Variants in CMIP observed in about 807,000 individuals in gnomAD.
The protein encoded by CMIP is c-Maf inducing protein, also known as C-Maf-inducing protein.
A neutral mutation model predicts 97.3 loss-of-function variants in CMIP; 13 were observed. The observed-to-expected ratio is 0.13, with a 90% CI of 0.09 to 0.21. CMIP has a LOEUF of 0.21. Ranked by LOEUF, CMIP falls within the 10% of genes least tolerant of loss-of-function variation. The pLI, the probability that CMIP is intolerant of heterozygous loss-of-function variation, is 1.00. For missense variants in CMIP, 847 were observed against 1,024.9 expected, an observed-to-expected ratio of 0.83 and a Z score of 2.37; for synonymous variants, 538 against 436.3, an observed-to-expected ratio of 1.23 and a Z score of -2.91.
chr16:81,670,540 A>G (rs4889361), intron 8 of CMIP, among the ~76,000 whole-genome samples: 1 of 147,486 alleles, frequency 6.8e-6, no homozygotes, highest in Non-Finnish European at 1.5e-5. Context: ...CAATCACCCC[A>G]TAAACATAAC....
intron 1 of CMIP, among the ~76,000 whole-genome samples, chr16:81,510,732 T>G (rs1193024794): frequency 6.6e-6 from 1 of 152,180 alleles, no homozygotes; most frequent in Non-Finnish European, 1.5e-5. Flanking sequence ...GTTTTGTTTT[T>G]TTGGTGAGAT....
At position 81,554,848 on chromosome 16, in the gene CMIP, C is replaced by T. The variant is rs542938081; in HGVS notation, c.301-52719C>T. On this transcript the variant is annotated intron_variant, in intron 1 of 20. Transcript: ENST00000537098. ...ATCGTGTCTGCTAGGAACTAACAGGCCCTGAAGAGATGATGGCAACTTTAA... is the reference window on the plus strand; with the variant it reads ...ATCGTGTCTGCTAGGAACTAACAGGTCCTGAAGAGATGATGGCAACTTTAA... 7.2e-5 allele frequency among the ~76,000 whole-genome samples: 11 copies of T among 152,318 alleles called. No homozygotes were observed. In the South Asian group the frequency reaches 1.5e-3, roughly 20 times the overall value.
At position 81,607,669 on chromosome 16, in the gene CMIP, C is replaced by T. The variant is rs1597140904; in HGVS notation, c.403C>T (p.Pro135Ser). Residue 135 changes from proline (P) to serine (S), a missense_variant, in exon 2 of 21, where the codon CCT (proline) becomes TCT (serine). Transcript: ENST00000537098. ...GAAGTACTGTTTACAGCTCACGATTCCTGGGGGAACTGTCTTACTGCAGGT... is the reference window on the plus strand; with the variant it reads ...GAAGTACTGTTTACAGCTCACGATTTCTGGGGGAACTGTCTTACTGCAGGT... ...APKYCLQLTI[P>S]GGTVLLQAAN... is the part of the protein sequence containing the mutation. 6.2e-7 allele frequency: 1 copy of T among 1,613,968 alleles called. No individual in the cohort carries two copies. The highest frequency in any genetic ancestry group is 8.5e-7 in the Non-Finnish European group (1 of 1,179,848).
intron 1 of CMIP, among the ~76,000 whole-genome samples, chr16:81,570,199 T>C (rs1484892365): frequency 6.6e-6 from 1 of 152,174 alleles, no homozygotes; most frequent in Non-Finnish European, 1.5e-5. Flanking sequence ...AATTTCCACT[T>C]GTGTGGCTGC....
chr16:81,704,002 G>A lies in CMIP; in HGVS notation c.2008G>A (p.Ala670Thr). The A allele has an allele frequency of 6.2e-7, 1 of 1,603,446 alleles. No individual in the cohort carries two copies. Residue 670 changes from alanine (A) to threonine (T), a missense_variant, in exon 18 of 21, where the codon GCC becomes ACC. Around this residue, in one of 4 missense-constraint regions of CMIP, gnomAD observed 266 missense variants for 384.2 expected, o/e 0.69. Coordinates refer to ENST00000537098, the MANE Select transcript of CMIP (RefSeq NM_198390.3). ...SFGNLENLSL[A>T]FTNVTSACAE... Reference sequence around the variant, plus strand: ...CGGAAACCTGGAGAACCTCAGTTTGGCCTTCACCAATGTAACCAGTGCCTG... The same window carrying A: ...CGGAAACCTGGAGAACCTCAGTTTGACCTTCACCAATGTAACCAGTGCCTG...
At chr16:81,608,052 A>G (rs1165206214) in intron 2 of CMIP, among the ~76,000 whole-genome samples, 1 of 152,240 alleles carries the variant, frequency 6.6e-6, no homozygotes, top group Non-Finnish European at 1.5e-5. Context: ...AAAGCAGATG[A>G]GCAATAGATA....
intron 1 of CMIP, among the ~76,000 whole-genome samples, chr16:81,500,280 T>TTCCTTCCTTCCTTCCC (rs2089577235): frequency 8.1e-6 from 1 of 123,980 alleles, no homozygotes; most frequent in Non-Finnish European, 1.8e-5. Flanking sequence ...CCGTCCTTCC[T>TTCCTTCCTTCCTTCCC]TCCTTCCTTC....
At chr16:81,638,837 G>A (rs1027970993) in intron 3 of CMIP, among the ~76,000 whole-genome samples, 2 of 152,064 alleles carry the variant, frequency 1.3e-5, no homozygotes, top group Admixed American at 1.3e-4. Context: ...GGGCGGGCAG[G>A]CTGTGTTGAG....
At chr16:81,522,667 G>T (rs1339254971) in intron 1 of CMIP, among the ~76,000 whole-genome samples, 1 of 152,188 alleles carries the variant, frequency 6.6e-6, no homozygotes, top group Admixed American at 6.5e-5. Flanking sequence ...AAGCCACAAA[G>T]ATTAGTATCA....
intron 20 of CMIP, among the ~76,000 whole-genome samples, chr16:81,709,124 G>C (rs1434409478): frequency 6.6e-6 from 1 of 152,168 alleles, no homozygotes; most frequent in Non-Finnish European, 1.5e-5. Context: ...ATAGCAGGTG[G>C]AATCACAGAG....
chr16:81,667,799 A>AGAGAGAGTGTGTGT, intron 7 of CMIP, among the ~76,000 whole-genome samples: 33 of 58,130 alleles, frequency 5.7e-4, no homozygotes, highest in Middle Eastern at 0.012. Flanking sequence ...AGAGAGAGAG[A>AGAGAGAGTGTGTGT]GTGTGTGTGT....
chr16:81,584,890 C>T (rs1384762529), intron 1 of CMIP, among the ~76,000 whole-genome samples: 2 of 152,172 alleles, frequency 1.3e-5, no homozygotes, highest in Non-Finnish European at 2.9e-5. Context: ...TGAGTCAACT[C>T]CCCCAACTGT....
intron 1 of CMIP, among the ~76,000 whole-genome samples, chr16:81,487,405 G>A (rs1402965332): frequency 6.6e-6 from 1 of 152,204 alleles, no homozygotes; most frequent in Non-Finnish European, 1.5e-5. Context: ...CACTCCCGAG[G>A]CCCCAGACCA....
chr16:81,590,299 G>A (rs2091447459), intron 1 of CMIP, among the ~76,000 whole-genome samples: 1 of 152,052 alleles, frequency 6.6e-6, no homozygotes, highest in South Asian at 2.1e-4. Flanking sequence ...GTATTCTCTT[G>A]AAGGCTGTGT....
chr16:81,489,237 C>T lies in CMIP; in HGVS notation c.300+43696C>T, dbSNP rs970822148. 3.3e-5 allele frequency among the ~76,000 whole-genome samples: 5 copies of T among 152,188 alleles called. No individual in the cohort carries two copies. The East Asian group carries it at 9.7e-4, about 29-fold the overall frequency. ...TGCTGATGGTGCACTCAGAGGCTGACTTGAGGGGTGAGGGAGGGCTTTCTG... is the reference window on the plus strand; with the variant it reads ...TGCTGATGGTGCACTCAGAGGCTGATTTGAGGGGTGAGGGAGGGCTTTCTG... On this transcript the variant is annotated intron_variant, in intron 1 of 20. Coordinates refer to ENST00000537098, the MANE Select transcript of CMIP (RefSeq NM_198390.3).
intron 1 of CMIP, among the ~76,000 whole-genome samples, chr16:81,469,738 G>C (rs1907410898): frequency 6.6e-6 from 1 of 152,210 alleles, no homozygotes; most frequent in East Asian, 1.9e-4. Context: ...AGTTGAGCAT[G>C]TTATTTACAT....
chr16:81,545,273 G>A (rs2090524609), intron 1 of CMIP, among the ~76,000 whole-genome samples: 3 of 152,314 alleles, frequency 2.0e-5, no homozygotes, highest in African/African-American at 7.2e-5. Flanking sequence ...CTCAGGATTT[G>A]CTGCGCTTCT....
At chr16:81,487,175 G>T (rs1306527341) in intron 1 of CMIP, among the ~76,000 whole-genome samples, 1 of 151,538 alleles carries the variant, frequency 6.6e-6, no homozygotes. Flanking sequence ...ACCGGGGGGG[G>T]TGTGGGGGCT....
chr16:81,665,115 G>T (rs1018461263), intron 7 of CMIP: 3 of 152,182 alleles, frequency 2.0e-5, no homozygotes, highest in African/African-American at 4.8e-5. Flanking sequence ...AGGGAAAACT[G>T]AGGAAATCTG....
Sources: allele counts gnomAD v4.1 joint callset (sites outside exome capture counted in the v4.1 genomes callset), GRCh38; gene constraint gnomAD v4.1.1; regional missense constraint gnomAD v4.1.1; transcripts MANE v1.5; gene names NCBI Gene and HGNC (gene_info 2026-07-23, HGNC 2026-07-21).